Variants in PPP2R5C observed in about 807,000 individuals in gnomAD.
PPP2R5C encodes the protein serine/threonine-protein phosphatase 2A 56 kDa regulatory subunit gamma isoform.
PPP2R5C carries 7 observed loss-of-function variants against 68.9 expected under a neutral mutation model. That is an observed-to-expected ratio of 0.10 (90% CI 0.06 to 0.19). The LOEUF is 0.19. PPP2R5C is among the 10% of genes least tolerant of loss of function. PPP2R5C has a pLI of 1.00. For missense variants in PPP2R5C, 348 were observed against 641.3 expected, an observed-to-expected ratio of 0.54 and a Z score of 4.94; for synonymous variants, 210 against 222.2, an observed-to-expected ratio of 0.95 and a Z score of 0.49.
chr14:101,906,215 GT>G lies in PPP2R5C; in HGVS notation c.1024-186del, dbSNP rs1450391426. Among the ~76,000 whole-genome samples the G allele has an allele frequency of 3.3e-4, 51 of 152,338 alleles. No individual in the cohort carries two copies. The highest frequency in any genetic ancestry group is 1.2e-3 in the African/African-American group (49 of 41,582). The stretch of plus-strand genomic sequence containing the variant: ...TTGATGAGTTGATGTACAAGAAGTT[GT>G]CTGCCTCTTTGTTGAAGGCTCTTCA... On this transcript the variant is annotated intron_variant, in intron 9 of 13. Transcript: ENST00000334743. This position sits in a 1 kb window ranked among gnomAD's most constrained non-coding sequence, Gnocchi z 4.0.
chr14:101,880,707 G>A lies in PPP2R5C; in HGVS notation c.295-1454G>A, dbSNP rs139832432. On this transcript the variant is annotated intron_variant, in intron 2 of 13. Coordinates refer to ENST00000334743, the Ensembl canonical transcript of PPP2R5C. ...AGCTACTTGGGAGGCTGGGGCAGGA[G>A]GATCGTGTGAACCCAGGAGTTGGAG... Among the ~76,000 whole-genome samples the A allele has an allele frequency of 1.3e-3, 197 of 152,266 alleles. 1 individual carries two copies. Among genetic ancestry groups the A allele is most frequent in the Non-Finnish European group, 2.2e-3 (147 of 68,024 alleles).
intron 1 of PPP2R5C, among the ~76,000 whole-genome samples, chr14:101,822,052 G>T (rs2040104936): frequency 6.6e-6 from 1 of 150,854 alleles, no homozygotes; most frequent in African/African-American, 2.5e-5. Flanking sequence ...TCTTATTAAT[G>T]TAGTGACCCC....
chr14:101,923,452 C>T (rs899614961), intron 13 of PPP2R5C, among the ~76,000 whole-genome samples: 3 of 152,156 alleles, frequency 2.0e-5, no homozygotes, highest in African/African-American at 4.8e-5. Context: ...TACAGATCAA[C>T]ATAGAATGGG....
At chr14:101,822,897 T>A (rs2040165809) in intron 1 of PPP2R5C, among the ~76,000 whole-genome samples, 1 of 152,230 alleles carries the variant, frequency 6.6e-6, no homozygotes. Flanking sequence ...AAATATCTTT[T>A]GGTGGGCCGT....
At chr14:101,816,614 G>A (rs1396301990) in intron 1 of PPP2R5C, among the ~76,000 whole-genome samples, 1 of 151,928 alleles carries the variant, frequency 6.6e-6, no homozygotes, top group African/African-American at 2.4e-5. Context: ...CTTTCTAGGT[G>A]TAAAAAGGTG....
rs1474140697 is a variant in PPP2R5C, at chr14:101,917,999, A to G, written c.1443+52A>G. ...CACCCATGACTGATTTGCTTAAGAA[A>G]TGCACATTTTTGTAGGCGATGTGAT... On this transcript the variant is annotated intron_variant, in intron 13 of 13. Transcript: ENST00000334743. The surrounding 1 kb of genome is among the most constrained non-coding windows in gnomAD (Gnocchi z 4.4). 6.2e-7 allele frequency: 1 copy of G among 1,610,528 alleles called. No homozygotes were observed.
At chr14:101,892,131 A>G (rs549363995) in intron 6 of PPP2R5C, among the ~76,000 whole-genome samples, 12 of 151,766 alleles carry the variant, frequency 7.9e-5, no homozygotes, top group Non-Finnish European at 1.5e-4. Context: ...ATTTTTTTGT[A>G]TTTTTAGCAG....
chr14:101,909,679 A>C, exon 11 of PPP2R5C: 1 of 1,595,698 alleles, frequency 6.3e-7, no homozygotes, highest in Non-Finnish European at 8.6e-7. Flanking sequence ...AGTTCAAAGC[A>C]GAGAAACTAA....
At chr14:101,907,404 C>T (rs548678188) in intron 10 of PPP2R5C, among the ~76,000 whole-genome samples, 7 of 152,080 alleles carry the variant, frequency 4.6e-5, no homozygotes, top group Non-Finnish European at 7.4e-5. Flanking sequence ...CTCCTGGACT[C>T]AAGTATTCCA....
Position 101,918,456 on chromosome 14 carries a change from T to C in PPP2R5C, c.1443+509T>C, listed in dbSNP as rs1262789716. On this transcript the variant is annotated intron_variant, in intron 13 of 13. Coordinates refer to ENST00000334743, the Ensembl canonical transcript of PPP2R5C. The stretch of plus-strand genomic sequence containing the variant: ...CCCGTCCCCTTCCCCCCTCACCCCC[T>C]TCATCCCCCTCGCTCCTCTGGCCCC... Among the ~76,000 whole-genome samples, 24 of 52,616 alleles carry C rather than the reference T, an allele frequency of 4.6e-4. 3 individuals carry two copies. The highest frequency in any genetic ancestry group is 2.0e-3 in the African/African-American group (20 of 10,254). 34.5% of individuals were successfully genotyped at this position (52,616 alleles called of 152,430 possible). A position where few individuals can be genotyped will look rare whatever the true frequency, so the allele number is the denominator to read the frequency against.
At chr14:101,897,078 G>T (rs1221247564) in intron 8 of PPP2R5C, among the ~76,000 whole-genome samples, 2 of 152,142 alleles carry the variant, frequency 1.3e-5, no homozygotes, top group Admixed American at 1.3e-4. Context: ...GTCCTGCCGG[G>T]CCCTCGTGGA....
chr14:101,888,652 C>T lies in PPP2R5C; in HGVS notation c.630-1585C>T, dbSNP rs536652712. Among the ~76,000 whole-genome samples, 11 of 152,238 alleles carry T rather than the reference C, an allele frequency of 7.2e-5. No individual in the cohort carries two copies. The highest frequency in any genetic ancestry group is 2.1e-4 in the South Asian group (1 of 4,824). On this transcript the variant is annotated intron_variant, in intron 5 of 13. Transcript: ENST00000334743. This position sits in a 1 kb window ranked among gnomAD's most constrained non-coding sequence, Gnocchi z 5.6. Reference sequence around the variant, plus strand: ...TGTTGCCCAGGCTGGAATGCAGTGGCGCCATCTCAGCTCACTGCAACCTCC... The same window carrying T: ...TGTTGCCCAGGCTGGAATGCAGTGGTGCCATCTCAGCTCACTGCAACCTCC...
chr14:101,908,678 T>C (rs77940109), intron 10 of PPP2R5C, among the ~76,000 whole-genome samples: 4,702 of 152,068 alleles, frequency 0.031, 143 homozygotes, highest in African/African-American at 0.078. Flanking sequence ...CTGGCTTGCA[T>C]TGATTTTTTT....
rs769666044 is a variant in PPP2R5C, at chr14:101,882,214, G to A, written c.348G>A (p.Ala116=). Residue 116 remains alanine (A), a synonymous_variant, in exon 3 of 14, where the codon GCG becomes GCA. Transcript: ENST00000334743. This position sits in a 1 kb window ranked among gnomAD's most constrained non-coding sequence, Gnocchi z 4.9. ...CACCTTCCTCCAATCCTACGGGAGCGGAATTTGACCCGGAGGAAGATGAAC... is the reference window on the plus strand; with the variant it reads ...CACCTTCCTCCAATCCTACGGGAGCAGAATTTGACCCGGAGGAAGATGAAC... 1.4e-5 allele frequency: 23 copies of A among 1,613,578 alleles called. No homozygotes were observed. Among genetic ancestry groups the A allele is most frequent in the Admixed American group, 5.0e-5 (3 of 59,888 alleles).
At chr14:101,861,253 C>T (rs1432094233) in intron 2 of PPP2R5C, among the ~76,000 whole-genome samples, 1 of 152,162 alleles carries the variant, frequency 6.6e-6, no homozygotes, top group Non-Finnish European at 1.5e-5. Flanking sequence ...TCAGAGGGTT[C>T]AAGCCTCTTA....
chr14:101,859,176 T>TCCTAAAGCTTTCATTTTCA (rs1221357875), intron 2 of PPP2R5C, among the ~76,000 whole-genome samples: 9 of 152,230 alleles, frequency 5.9e-5, no homozygotes, highest in African/African-American at 2.2e-4. Context: ...ACTTCTGCCC[T>TCCTAAAGCTTTCATTTTCA]CCTAAAGCTT....
rs1437687511 is a variant in PPP2R5C at position 101,906,077 on chromosome 14, G to A, written c.1024-325G>A. On this transcript the variant is annotated intron_variant, in intron 9 of 13. Transcript: ENST00000334743. The surrounding 1 kb of genome is among the most constrained non-coding windows in gnomAD (Gnocchi z 4.0). ...AGCACGCCCTCTTGACCTGACAGAT[G>A]GGGGAGGCGGGTGGATAGGTGGAAT... Among the ~76,000 whole-genome samples, 1 of 152,194 alleles carries A rather than the reference G, an allele frequency of 6.6e-6. No individual in the cohort carries two copies. The highest frequency in any genetic ancestry group is 1.5e-5 in the Non-Finnish European group (1 of 68,034).
chr14:101,924,055 TCTAA>T (rs982643855), intron 13 of PPP2R5C, among the ~76,000 whole-genome samples: 1 of 152,246 alleles, frequency 6.6e-6, no homozygotes, highest in African/African-American at 2.4e-5. Flanking sequence ...CAGAAAAGTT[TCTAA>T]CTAATTGGCA....
In PPP2R5C at chr14:101,890,462, T is replaced by A. The variant is rs76336182; in HGVS notation, c.689+166T>A. On this transcript the variant is annotated intron_variant, in intron 6 of 13. Transcript: ENST00000334743. ...AGCAGGAGTTGGTGAGCTCTTAGATTAGAGCACGCCAAATGACAAATCTCT... is the reference window on the plus strand; with the variant it reads ...AGCAGGAGTTGGTGAGCTCTTAGATAAGAGCACGCCAAATGACAAATCTCT... Among the ~76,000 whole-genome samples, 624 of 152,332 alleles carry A rather than the reference T, an allele frequency of 4.1e-3. 6 individuals are homozygous for A. Among genetic ancestry groups the A allele is most frequent in the African/African-American group, 0.015 (611 of 41,588 alleles).
Sources: allele counts gnomAD v4.1 joint callset (sites outside exome capture counted in the v4.1 genomes callset), GRCh38; gene constraint gnomAD v4.1.1; non-coding constraint Gnocchi (gnomAD v3.1); transcripts MANE v1.5; gene names NCBI Gene and HGNC (gene_info 2026-07-23, HGNC 2026-07-21).